The following SCRN1 variants were observed in gnomAD, a reference collection of about 807,000 sequenced individuals.
SCRN1 encodes the protein secernin 1.
Under a neutral mutation model 43.3 loss-of-function variants are expected in SCRN1, and 19 were observed. The observed-to-expected ratio is 0.44, with a 90% CI of 0.31 to 0.64. SCRN1 has a LOEUF of 0.64. SCRN1 is among the 30% of genes least tolerant of loss of function. SCRN1 has a pLI of 0.09. For missense variants in SCRN1, 447 were observed against 524.1 expected, an observed-to-expected ratio of 0.85 and a Z score of 1.44; for synonymous variants, 183 against 188.9, an observed-to-expected ratio of 0.97 and a Z score of 0.26.
chr7:29,983,879 G>A (rs1189968671), intron 1 of SCRN1, among the ~76,000 whole-genome samples: 1 of 152,152 alleles, frequency 6.6e-6, no homozygotes, highest in African/African-American at 2.4e-5. Flanking sequence ...CAGAATAACT[G>A]ACTATAACAG....
chr7:29,934,918 G>A (rs771483666), intron 6 of SCRN1, among the ~76,000 whole-genome samples: 40 of 152,206 alleles, frequency 2.6e-4, no homozygotes, highest in Non-Finnish European at 4.1e-4. Context: ...GCTCTAGCCC[G>A]TGGTCATGTG....
chr7:29,974,065 C>T (rs1319854698), intron 1 of SCRN1, among the ~76,000 whole-genome samples: 1 of 152,078 alleles, frequency 6.6e-6, no homozygotes, highest in Non-Finnish European at 1.5e-5. Context: ...GAAATGTATT[C>T]AAAATATTAA....
chr7:29,974,453 T>C (rs1788748170), intron 1 of SCRN1, among the ~76,000 whole-genome samples: 1 of 152,216 alleles, frequency 6.6e-6, no homozygotes, highest in Middle Eastern at 3.4e-3. Context: ...GTTGTCCACA[T>C]GGGAAAAGAA....
chr7:29,936,896 A>G (rs1403058901), intron 5 of SCRN1, among the ~76,000 whole-genome samples, 175 bp from the exon 6 acceptor site: 1 of 152,166 alleles, frequency 6.6e-6, no homozygotes, highest in Middle Eastern at 3.2e-3. Context: ...AATACAAAAA[A>G]AAAGCCAGGG....
chr7:29,986,674 TCA>T (rs1470935549), intron 1 of SCRN1, among the ~76,000 whole-genome samples: 1 of 152,022 alleles, frequency 6.6e-6, no homozygotes, highest in Non-Finnish European at 1.5e-5. Flanking sequence ...TGGCATATCT[TCA>T]CATTCATCCT....
chr7:29,973,092 T>C lies in SCRN1; in HGVS notation c.-1-4024A>G, dbSNP rs1258239878. 2.6e-5 allele frequency among the ~76,000 whole-genome samples: 4 copies of C among 152,270 alleles called. No homozygotes were observed. In the East Asian group the frequency reaches 7.7e-4, roughly 29 times the overall value. On this transcript the variant is annotated intron_variant, in intron 1 of 7. Transcript: ENST00000242059. ...AAAATGTGCTATCATCCATATAAAC[T>C]GAATTAGCAAAGAGGAGGTGGGACA... is the stretch of plus-strand genomic sequence containing the variant.
At position 29,950,004 on chromosome 7, in the gene SCRN1, A is replaced by AG. The variant is rs1450923015; in HGVS notation, c.341+5174dup. Among the ~76,000 whole-genome samples the AG allele has an allele frequency of 6.6e-6, 1 of 152,210 alleles. No individual in the cohort carries two copies. Among genetic ancestry groups the AG allele is most frequent in the Non-Finnish European group, 1.5e-5 (1 of 68,034 alleles). On this transcript the variant is annotated intron_variant, in intron 3 of 7. Transcript: ENST00000242059. This position sits in a 1 kb window ranked among gnomAD's most constrained non-coding sequence, Gnocchi z 4.5. ...AAGATGCCGGCTGCAACAGGGAGGC[A>AG]GGGTCTGGGTTGCGTGCTTTGCGAG...
chr7:29,966,724 G>A lies in SCRN1; in HGVS notation c.159+2185C>T, dbSNP rs188227935. Among the ~76,000 whole-genome samples the A allele has an allele frequency of 1.3e-4, 20 of 152,340 alleles. No individual in the cohort carries two copies. In the East Asian group the frequency reaches 3.9e-3, roughly 29 times the overall value. On this transcript the variant is annotated intron_variant, in intron 2 of 7. Transcript: ENST00000242059. Reference sequence around the variant, plus strand: ...GGGCTTTTATTAAGTTAGTGGCTCAGTAAGAGAGGAAAGTGGGTCTGGTGA... The same window carrying A: ...GGGCTTTTATTAAGTTAGTGGCTCAATAAGAGAGGAAAGTGGGTCTGGTGA...
rs565488503 is a variant in SCRN1 at position 29,922,851 on chromosome 7, G to A, written c.*1106C>T. 28 of 152,352 alleles carry A rather than the reference G, an allele frequency of 1.8e-4. No homozygotes were observed. Among genetic ancestry groups the A allele is most frequent in the African/African-American group, 6.5e-4 (27 of 41,568 alleles). 9.4% of individuals were successfully genotyped at this position (152,352 alleles called of 1,614,324 possible). On this transcript the variant is annotated 3_prime_UTR_variant, in exon 8 of 8. Coordinates refer to ENST00000242059, the MANE Select transcript of SCRN1 (RefSeq NM_014766.5). ...GTCTTCCCAATGCTAAGCCCATCTG[G>A]TCTTCCTTGCATGCTTTTCTATGCT...
chr7:29,958,756 T>A (rs960655137), intron 2 of SCRN1, among the ~76,000 whole-genome samples: 1 of 152,202 alleles, frequency 6.6e-6, no homozygotes, highest in African/African-American at 2.4e-5. Context: ...CCACCCAGCC[T>A]TTCATAAAAT....
At chr7:29,968,876 G>T (rs1788578642) in intron 2 of SCRN1, 33 bp downstream of exon 2, 1 of 1,612,682 alleles carries the variant, frequency 6.2e-7, no homozygotes, top group African/African-American at 1.3e-5. Context: ...AGAAAAGAGA[G>T]TGTGACTCGC....
intron 6 of SCRN1, among the ~76,000 whole-genome samples, chr7:29,927,539 G>A (rs1787008743): frequency 1.3e-5 from 2 of 152,188 alleles, no homozygotes; most frequent in South Asian, 4.1e-4. Context: ...CTCCTGGCAG[G>A]CATGGGCACC....
intron 3 of SCRN1, among the ~76,000 whole-genome samples, chr7:29,952,149 C>T (rs974680409): frequency 8.5e-5 from 13 of 152,206 alleles, no homozygotes; most frequent in African/African-American, 3.1e-4. Flanking sequence ...TGTGGAGCAG[C>T]GGTTCTCACC....
In SCRN1 at chr7:29,923,951, C is replaced by A; in HGVS notation, c.*6G>T. The A allele has an allele frequency of 1.2e-6, 2 of 1,607,192 alleles. No homozygotes were observed. The highest frequency in any genetic ancestry group is 2.2e-5 in the South Asian group (2 of 89,744). On this transcript the variant is annotated 3_prime_UTR_variant, in exon 8 of 8. Transcript: ENST00000242059. ...TTAAATAAGAAGGGGAAAGGGAACG[C>A]TTACTTCACTTAAAGAACTTAATCT...
At position 29,923,962 on chromosome 7, in the gene SCRN1, TAAAG is replaced by T. The variant is rs766898589; in HGVS notation, c.1236_1239del (p.Phe412LeufsTer13). On this transcript the variant is annotated frameshift_variant, in exon 8 of 8. Coordinates refer to ENST00000242059, the MANE Select transcript of SCRN1 (RefSeq NM_014766.5). LOFTEE classifies it high-confidence loss of function. ...GGGGAAAGGGAACGCTTACTTCACTTAAAGAACTTAATCTCCGTGTCAACACAGT... is the reference window on the plus strand; with the variant it reads ...GGGGAAAGGGAACGCTTACTTCACTTAACTTAATCTCCGTGTCAACACAGT... 3.0e-5 allele frequency: 48 copies of T among 1,610,598 alleles called. No homozygotes were observed. The highest frequency in any genetic ancestry group is 3.9e-5 in the Non-Finnish European group (46 of 1,178,770).
At chr7:29,979,086 C>T (rs988441585) in intron 1 of SCRN1, among the ~76,000 whole-genome samples, 2 of 152,086 alleles carry the variant, frequency 1.3e-5, no homozygotes, top group Non-Finnish European at 2.9e-5. Context: ...AATTTTCCGC[C>T]GGGTGTGGTG....
chr7:29,928,117 T>C (rs1353235344), intron 6 of SCRN1, among the ~76,000 whole-genome samples: 1 of 152,116 alleles, frequency 6.6e-6, no homozygotes, highest in African/African-American at 2.4e-5. Flanking sequence ...AGCGAGACTT[T>C]GTCTCAAAAA....
At chr7:29,986,717 ATTTTTTTTTTT>A (rs553845779) in intron 1 of SCRN1, among the ~76,000 whole-genome samples, 3 of 99,852 alleles carry the variant, frequency 3.0e-5, no homozygotes, top group African/African-American at 4.0e-5. Flanking sequence ...AATTTTTTTA[ATTTTTTTTTTT>A]TTTTTTTTTT....
At position 29,940,642 on chromosome 7, in the gene SCRN1, G is replaced by C. The variant is rs774205258; in HGVS notation, c.739+40C>G. ...TTCTCAGAAACAGCTGCAAGAGAAA[G>C]GGTATGAGAAGGAGAATCGTGAGGG... On this transcript the variant is annotated intron_variant, in intron 5 of 7. Transcript: ENST00000242059. 3.9e-6 allele frequency: 6 copies of C among 1,524,626 alleles called. No homozygotes were observed. In the South Asian group the frequency reaches 7.5e-5, roughly 19 times the overall value. The allele number at this position is 1,524,626 out of a possible 1,614,324, so 94.4% of individuals were successfully genotyped here.
Sources: gnomAD v4.1 joint callset for allele counts (sites outside exome capture counted in the v4.1 genomes callset) on GRCh38, gnomAD v4.1.1 for gene constraint, Gnocchi (gnomAD v3.1) non-coding constraint, MANE v1.5 for transcripts, NCBI Gene and HGNC (gene_info 2026-07-23, HGNC 2026-07-21) for gene names.